The following USP31 variants were observed in gnomAD, a reference collection of about 807,000 sequenced individuals.
USP31 encodes the protein ubiquitin carboxyl-terminal hydrolase 31.
In USP31, 44 loss-of-function variants were observed where a neutral mutation model predicts 119.4. The ratio of observed to expected loss-of-function variants is 0.37; its 90% CI spans 0.29 to 0.47. USP31 has a LOEUF of 0.47. Ranked by LOEUF, USP31 falls within the 20% of genes least tolerant of loss-of-function variation. The pLI is 0.99. For missense variants in USP31, 1,643 were observed against 1,730.2 expected (o/e 0.95, Z 0.89); for synonymous variants, 749 against 705.6 (o/e 1.06, Z -0.97).
chr16:23,071,110 G>C (rs1330431459), intron 15 of USP31, among the ~76,000 whole-genome samples: 1 of 152,194 alleles, frequency 6.6e-6, no homozygotes, highest in African/African-American at 2.4e-5. Flanking sequence ...AGGAATTGCA[G>C]TCCAATGTTT....
rs1267100504 is a variant in USP31, at chr16:23,067,519, T to C, written c.*527A>G. 6.5e-6 allele frequency: 1 copy of C among 154,168 alleles called. No individual in the cohort carries two copies. Among genetic ancestry groups the C allele is most frequent in the African/African-American group, 2.4e-5 (1 of 41,454 alleles). 9.6% of individuals were successfully genotyped at this position (154,168 alleles called of 1,614,324 possible). A position where few individuals can be genotyped will look rare whatever the true frequency, so the allele number is the denominator to read the frequency against. Reference sequence around the variant, plus strand: ...AAATATTGCCCTTTACAAAGACTGGTAGATGGGGCGAAAGTGCAGAAAGCA... The same window carrying C: ...AAATATTGCCCTTTACAAAGACTGGCAGATGGGGCGAAAGTGCAGAAAGCA... On this transcript the variant is annotated 3_prime_UTR_variant, in exon 16 of 16. Coordinates refer to ENST00000219689, the MANE Select transcript of USP31 (RefSeq NM_020718.4).
chr16:23,119,009 T>C (rs754809179), intron 1 of USP31, among the ~76,000 whole-genome samples: 1 of 151,834 alleles, frequency 6.6e-6, no homozygotes, highest in Non-Finnish European at 1.5e-5. Flanking sequence ...AATTCACCCT[T>C]AGGAAATTCC....
intron 1 of USP31, among the ~76,000 whole-genome samples, chr16:23,146,716 C>T (rs1380890668): frequency 6.6e-6 from 1 of 152,008 alleles, no homozygotes; most frequent in East Asian, 1.9e-4. Flanking sequence ...TGCACACTGG[C>T]CATGTAGTTC....
In USP31 at chr16:23,063,915, TGA is replaced by T. The variant is rs1491326973; in HGVS notation, c.*4129_*4130del. ...TTTGAAAGTTGATCAAAAGGCAGTGTGAGAGTGTTCATTTAAATAAAACCACT... is the reference window on the plus strand; with the variant it reads ...TTTGAAAGTTGATCAAAAGGCAGTGTGAGTGTTCATTTAAATAAAACCACT... On this transcript the variant is annotated 3_prime_UTR_variant, in exon 16 of 16. Coordinates refer to ENST00000219689, the MANE Select transcript of USP31 (RefSeq NM_020718.4). 6 of 152,318 alleles carry T rather than the reference TGA, an allele frequency of 3.9e-5. No individual in the cohort carries two copies. Among genetic ancestry groups the T allele is most frequent in the Admixed American group, 2.0e-4 (3 of 15,296 alleles). The allele number at this position is 152,318 out of a possible 1,614,324, so 9.4% of individuals were successfully genotyped here.
In USP31 at chr16:23,149,041, T is replaced by C. The variant is rs1317601124; in HGVS notation, c.230A>G (p.His77Arg). 4 of 1,238,336 alleles carry C rather than the reference T, an allele frequency of 3.2e-6. No homozygotes were observed. The highest frequency in any genetic ancestry group is 4.1e-6 in the Non-Finnish European group (4 of 965,424). The allele number at this position is 1,238,336 out of a possible 1,614,324, so 76.7% of individuals were successfully genotyped here. A position where few individuals can be genotyped will look rare whatever the true frequency, so the allele number is the denominator to read the frequency against. Residue 77 changes from histidine to arginine, a missense_variant, in exon 1 of 16, where the codon CAC (histidine) becomes CGC (arginine). Physicochemically the swap from His to Arg is conservative, Grantham distance 29 (BLOSUM62 0). This residue lies in a region of USP31 where 302 missense variants were observed against 262.6 expected (regional missense o/e 1.15). Coordinates refer to ENST00000219689, the MANE Select transcript of USP31 (RefSeq NM_020718.4). ...RVLKTLSTLS[H>R]LSSEGAAPDR... Reference sequence around the variant, plus strand: ...TGGGGCGGCGCCCTCAGAGCTAAGGTGCGAGAGCGTGGACAGCGTCTTGAG... The same window carrying C: ...TGGGGCGGCGCCCTCAGAGCTAAGGCGCGAGAGCGTGGACAGCGTCTTGAG...
At chr16:23,070,776 C>T (rs1216179308) in intron 15 of USP31, among the ~76,000 whole-genome samples, 3 of 151,638 alleles carry the variant, frequency 2.0e-5, no homozygotes, top group African/African-American at 2.4e-5. Flanking sequence ...TCAAAACGTC[C>T]TAAGAAAATA....
In USP31 at chr16:23,072,157, C is replaced by T; in HGVS notation, c.2376G>A (p.Arg792=). The T allele has an allele frequency of 1.2e-6, 2 of 1,610,726 alleles. No individual in the cohort carries two copies. The highest frequency in any genetic ancestry group is 1.7e-6 in the Non-Finnish European group (2 of 1,180,018). The change falls in exon 15 of 16, where the codon CGG becomes CGA. Residue 792 remains arginine, a synonymous_variant. Transcript: ENST00000219689. ...SSSLCEHWVS[R]LPGSKPASVT... is the part of the protein sequence containing the mutation. The stretch of plus-strand genomic sequence containing the variant: ...CGCTGGCTGGCTTGCTGCCCGGGAG[C>T]CGGCTCACCCAGTGTTCACACAGGG...
chr16:23,102,384 C>T lies in USP31; in HGVS notation c.1169G>A (p.Ser390Asn). 1.9e-6 allele frequency: 3 copies of T among 1,613,896 alleles called. No individual in the cohort carries two copies. Among genetic ancestry groups the T allele is most frequent in the South Asian group, 2.2e-5 (2 of 91,060 alleles). ...AGTCTCAAAGGCAAAAATGCAGTCG[C>T]TTTCATGGACTGTTTCCAGGTCGTC... ...DTDDLETVHE[S>N]DCIFAFETPE... Residue 390 changes from serine (S) to asparagine (N), a missense_variant, in exon 6 of 16, where the codon AGC becomes AAC. Coordinates refer to ENST00000219689, the MANE Select transcript of USP31 (RefSeq NM_020718.4).
intron 1 of USP31, among the ~76,000 whole-genome samples, chr16:23,139,124 T>TA (rs1369578978): frequency 1.3e-5 from 2 of 152,282 alleles, no homozygotes; most frequent in East Asian, 3.9e-4. Context: ...TAATTCAGGC[T>TA]AGGCACGGTG....
At chr16:23,080,237 A>AGGG in intron 12 of USP31, 66 bp from the exon 13 acceptor site, 1 of 1,383,036 alleles carries the variant, frequency 7.2e-7, no homozygotes, top group Non-Finnish European at 9.9e-7. Context: ...ATCACTTTAG[A>AGGG]GGGGAATGTG....
intron 7 of USP31, among the ~76,000 whole-genome samples, chr16:23,088,835 C>T (rs1901228615): frequency 6.6e-6 from 1 of 152,194 alleles, no homozygotes; most frequent in Non-Finnish European, 1.5e-5. Flanking sequence ...CGCAAACAGA[C>T]AATGTCTAGA....
intron 5 of USP31, among the ~76,000 whole-genome samples, chr16:23,104,799 T>C (rs1349719420): frequency 3.9e-5 from 6 of 152,216 alleles, no homozygotes; most frequent in Admixed American, 3.9e-4. Flanking sequence ...ATAATAATAG[T>C]AAATTGAGTA....
chr16:23,061,521 C>T lies in USP31; in HGVS notation c.*6525G>A, dbSNP rs1183381098. ...TGTTTCAGAAATAAAACGTTTCAAA[C>T]GTAAAAATATAAATTCTGCTTCTTA... On this transcript the variant is annotated 3_prime_UTR_variant, in exon 16 of 16. Coordinates refer to ENST00000219689, the MANE Select transcript of USP31 (RefSeq NM_020718.4). The T allele has an allele frequency of 1.3e-5, 2 of 152,652 alleles. No homozygotes were observed. The highest frequency in any genetic ancestry group is 3.4e-3 in the Middle Eastern group (1 of 294). The allele number at this position is 152,652 out of a possible 1,614,324, so 9.5% of individuals were successfully genotyped here.
intron 1 of USP31, among the ~76,000 whole-genome samples, chr16:23,143,906 G>A (rs1903430717): frequency 6.6e-6 from 1 of 152,140 alleles, no homozygotes; most frequent in African/African-American, 2.4e-5. Context: ...GTGAGGACAG[G>A]CAAAAGTGCC....
chr16:23,134,599 T>A (rs139327685), intron 1 of USP31, among the ~76,000 whole-genome samples: 1 of 150,150 alleles, frequency 6.7e-6, no homozygotes, highest in African/African-American at 2.4e-5. Context: ...AAGGAAATCC[T>A]CACTGTACAC....
chr16:23,071,955 T>C, intron 15 of USP31, 90 bp downstream of exon 15: 9 of 1,519,346 alleles, frequency 5.9e-6, no homozygotes, highest in Middle Eastern at 1.8e-4. Context: ...TACCATCTCC[T>C]TGGGACTTAG....
At chr16:23,080,857 A>G (rs949105377) in intron 12 of USP31, among the ~76,000 whole-genome samples, 2 of 152,188 alleles carry the variant, frequency 1.3e-5, no homozygotes, top group African/African-American at 4.8e-5. Context: ...CATGAGAGAA[A>G]GGGATGATGG....
intron 1 of USP31, among the ~76,000 whole-genome samples, chr16:23,138,974 C>T (rs1903270884): frequency 6.6e-6 from 1 of 152,198 alleles, no homozygotes; most frequent in Non-Finnish European, 1.5e-5. Context: ...TGGGCCACTT[C>T]ACTCATCTTC....
rs768131190 is a variant in USP31 at position 23,090,748 on chromosome 16, G to A, written c.1291C>T (p.Leu431=). 2 of 1,612,472 alleles carry A rather than the reference G, an allele frequency of 1.2e-6. No individual in the cohort carries two copies. Among genetic ancestry groups the A allele is most frequent in the South Asian group, 1.1e-5 (1 of 90,862 alleles). Residue 431 remains leucine (L), a synonymous_variant, in exon 7 of 16, where the codon CTG becomes TTG. Transcript: ENST00000219689. ...HLKFGLDYHR[L]SSPTQTAAKQ... ...GCTGCTGTTTGTGTAGGAGAAGACA[G>A]TCTATGATAATCCAAGCCAAATTTC... is the stretch of plus-strand genomic sequence containing the variant.
Sources: gnomAD v4.1 joint callset for allele counts (sites outside exome capture counted in the v4.1 genomes callset) on GRCh38, gnomAD v4.1.1 for gene constraint, gnomAD v4.1.1 regional missense constraint, MANE v1.5 for transcripts, NCBI Gene and HGNC (gene_info 2026-07-23, HGNC 2026-07-21) for gene names.